Variants in CDYL2 observed in about 807,000 individuals in gnomAD.
CDYL2 encodes the protein chromodomain Y like 2.
CDYL2 carries 23 observed loss-of-function variants against 49.4 expected under a neutral mutation model. That is an observed-to-expected ratio of 0.47 (90% CI 0.34 to 0.66). The LOEUF is 0.66. Ranked by LOEUF, CDYL2 falls within the 30% of genes least tolerant of loss-of-function variation. The pLI is 0.01. For missense variants in CDYL2, 678 were observed against 656.4 expected, an observed-to-expected ratio of 1.03 and a Z score of -0.36; for synonymous variants, 360 against 268.8, an observed-to-expected ratio of 1.34 and a Z score of -3.32.
chr16:80,643,599 GA>G (rs1280081051), intron 2 of CDYL2, among the ~76,000 whole-genome samples: 1 of 152,240 alleles, frequency 6.6e-6, no homozygotes. Context: ...TACATCTTCT[GA>G]AATCTAGGTG....
At chr16:80,683,529 A>G (rs1217630194) in intron 2 of CDYL2, among the ~76,000 whole-genome samples, 1 of 152,164 alleles carries the variant, frequency 6.6e-6, no homozygotes, top group East Asian at 1.9e-4. Flanking sequence ...AACACAACAT[A>G]TGCAGGCTGT....
rs1906417310 is a variant in CDYL2 at position 80,607,969 on chromosome 16, G to T, written c.1362+123C>A. 3.5e-6 allele frequency: 4 copies of T among 1,143,026 alleles called. No homozygotes were observed. In the East Asian group the frequency reaches 1.1e-4, roughly 33 times the overall value. The allele number at this position is 1,143,026 out of a possible 1,614,324, so 70.8% of individuals were successfully genotyped here. A position where few individuals can be genotyped will look rare whatever the true frequency, so the allele number is the denominator to read the frequency against. The stretch of plus-strand genomic sequence containing the variant: ...GAAAAGGCATTTGTTAAATTGCAAA[G>T]GGTCTTTTGCTTATTCCCTGTGCGA... On this transcript the variant is annotated intron_variant, in intron 6 of 6. Coordinates refer to ENST00000570137, the MANE Select transcript of CDYL2 (RefSeq NM_152342.4).
At position 80,714,853 on chromosome 16, in the gene CDYL2, A is replaced by G. The variant is rs146190701; in HGVS notation, c.25-29724T>C. ...AGCTCCATTTTTGGAGATCAAATGA[A>G]AGGTGAGCATTTACAAAGCTCCTTT... On this transcript the variant is annotated intron_variant, in intron 1 of 6. Coordinates refer to ENST00000570137, the MANE Select transcript of CDYL2 (RefSeq NM_152342.4). Among the ~76,000 whole-genome samples, 478 of 152,306 alleles carry G rather than the reference A, an allele frequency of 3.1e-3. 5 individuals are homozygous for G. Among genetic ancestry groups the G allele is most frequent in the African/African-American group, 0.011 (454 of 41,562 alleles).
At chr16:80,771,429 T>G (rs1285619093) in intron 1 of CDYL2, among the ~76,000 whole-genome samples, 3 of 152,124 alleles carry the variant, frequency 2.0e-5, no homozygotes, top group Non-Finnish European at 4.4e-5. Flanking sequence ...AACTGGCCAG[T>G]GCAGTAGATC....
At chr16:80,643,482 TGTGTGGGGGCG>T (rs1385049802) in intron 2 of CDYL2, among the ~76,000 whole-genome samples, 1 of 152,230 alleles carries the variant, frequency 6.6e-6, no homozygotes, top group African/African-American at 2.4e-5. Flanking sequence ...ACAGGGACTC[TGTGTGGGGGCG>T]GTGAGCCCAT....
chr16:80,625,018 T>C (rs1277799035), intron 3 of CDYL2, among the ~76,000 whole-genome samples: 2 of 152,168 alleles, frequency 1.3e-5, no homozygotes, highest in East Asian at 1.9e-4. Flanking sequence ...AAGTCAATAT[T>C]GAAAGAGATA....
At chr16:80,738,031 C>T (rs1001111607) in intron 1 of CDYL2, among the ~76,000 whole-genome samples, 1 of 152,042 alleles carries the variant, frequency 6.6e-6, no homozygotes, top group Non-Finnish European at 1.5e-5. Flanking sequence ...CCCCAGCCCC[C>T]CGACAGGCCC....
chr16:80,706,421 A>G (rs1197108268), intron 1 of CDYL2, among the ~76,000 whole-genome samples: 1 of 152,204 alleles, frequency 6.6e-6, no homozygotes, highest in Non-Finnish European at 1.5e-5. Flanking sequence ...CCTCCACCCT[A>G]TAAAACCATG....
chr16:80,759,102 C>CTATATATATATA lies in CDYL2; in HGVS notation c.24+45036_24+45047dup, dbSNP rs59240300. Among the ~76,000 whole-genome samples the CTATATATATATA allele has an allele frequency of 9.8e-3, 618 of 63,274 alleles. 12 individuals are homozygous for CTATATATATATA. Among genetic ancestry groups the CTATATATATATA allele is most frequent in the East Asian group, 0.02 (32 of 1,612 alleles). The allele number at this position is 63,274 out of a possible 152,430, so 41.5% of individuals were successfully genotyped here. Reference sequence around the variant, plus strand: ...AAATGTAATATCTACAAACCATATACTATATATATATATATATATATATAT... The same window carrying CTATATATATATA: ...AAATGTAATATCTACAAACCATATACTATATATATATATATATATATATATATATATATATAT... On this transcript the variant is annotated intron_variant, in intron 1 of 6. Transcript: ENST00000570137.
At chr16:80,789,330 C>T (rs1167453334) in intron 1 of CDYL2, among the ~76,000 whole-genome samples, 2 of 152,150 alleles carry the variant, frequency 1.3e-5, no homozygotes, top group African/African-American at 2.4e-5. Flanking sequence ...GGGCCAGGTG[C>T]GGTGGCTCAC....
At chr16:80,648,829 G>C (rs1908464022) in intron 2 of CDYL2, among the ~76,000 whole-genome samples, 2 of 152,062 alleles carry the variant, frequency 1.3e-5, no homozygotes, top group Non-Finnish European at 2.9e-5. Context: ...TGGGATACAA[G>C]CATGGTTCAA....
At chr16:80,735,934 A>G (rs1334854440) in intron 1 of CDYL2, among the ~76,000 whole-genome samples, 17 of 152,202 alleles carry the variant, frequency 1.1e-4, no homozygotes, top group Non-Finnish European at 2.4e-4. Context: ...TAGGAATCAC[A>G]GAGACTCGGG....
chr16:80,639,577 G>A (rs1374879252), intron 2 of CDYL2: 1 of 424,034 alleles, frequency 2.4e-6, no homozygotes, highest in East Asian at 7.0e-5. Context: ...TCCATGGATT[G>A]TACCCTCCCC....
rs1906190370 is a variant in CDYL2, at chr16:80,603,540, T to G, written c.*848A>C. The G allele has an allele frequency of 6.6e-6, 1 of 152,406 alleles. No individual in the cohort carries two copies. Among genetic ancestry groups the G allele is most frequent in the Non-Finnish European group, 1.5e-5 (1 of 68,036 alleles). 9.4% of individuals were successfully genotyped at this position (152,406 alleles called of 1,614,324 possible). A position where few individuals can be genotyped will look rare whatever the true frequency, so the allele number is the denominator to read the frequency against. ...CCTTCTGTTTTCATCTCTCTAAACT[T>G]TATTTCTACATGGTTCATTGCTAGA... is the stretch of plus-strand genomic sequence containing the variant. On this transcript the variant is annotated 3_prime_UTR_variant, in exon 7 of 7. Transcript: ENST00000570137.
chr16:80,682,574 G>A (rs1180926436), intron 2 of CDYL2, among the ~76,000 whole-genome samples: 1 of 152,186 alleles, frequency 6.6e-6, no homozygotes, highest in East Asian at 1.9e-4. Flanking sequence ...ACTGCAGACT[G>A]TCAGCTACAG....
chr16:80,606,783 C>A (rs2142357871), intron 6 of CDYL2, among the ~76,000 whole-genome samples: 1 of 152,278 alleles, frequency 6.6e-6, no homozygotes, highest in East Asian at 1.9e-4. Flanking sequence ...CACTGTTCTC[C>A]TGGTAGTGAA....
chr16:80,718,176 T>C (rs1347443286), intron 1 of CDYL2, among the ~76,000 whole-genome samples: 1 of 152,240 alleles, frequency 6.6e-6, no homozygotes, highest in Non-Finnish European at 1.5e-5. Flanking sequence ...CTCTTTCTGC[T>C]ATACCAGGCT....
chr16:80,651,263 T>C (rs75368778), intron 2 of CDYL2, among the ~76,000 whole-genome samples: 2,606 of 152,184 alleles, frequency 0.017, 73 homozygotes, highest in African/African-American at 0.059. Context: ...TTAAAAATAA[T>C]TTTTTAAAAA....
chr16:80,621,792 C>T (rs1907095388), intron 3 of CDYL2, among the ~76,000 whole-genome samples: 2 of 152,176 alleles, frequency 1.3e-5, no homozygotes, highest in South Asian at 4.1e-4. Context: ...GGGTCTCCTG[C>T]ATGTATGCCC....
Sources: allele counts gnomAD v4.1 joint callset (sites outside exome capture counted in the v4.1 genomes callset), GRCh38; gene constraint gnomAD v4.1.1; transcripts MANE v1.5; gene names NCBI Gene and HGNC (gene_info 2026-07-23, HGNC 2026-07-21).